The following ARPC2 variants were observed in gnomAD, a reference collection of about 807,000 sequenced individuals.
The protein encoded by ARPC2 is actin-related protein 2/3 complex subunit 2.
A neutral mutation model predicts 38.6 loss-of-function variants in ARPC2; 4 were observed. The observed-to-expected ratio is 0.10, with a 90% CI of 0.05 to 0.24. ARPC2 has a LOEUF of 0.24. Among genes scored for constraint, ARPC2 ranks in the 10% least tolerant of loss-of-function variants. The pLI is 1.00. For missense variants in ARPC2, 229 were observed against 387.3 expected (o/e 0.59, Z 3.43); for synonymous variants, 125 against 140.8 (o/e 0.89, Z 0.79).
At chr2:218,219,079 T>G (rs1335308575) in intron 2 of ARPC2, among the ~76,000 whole-genome samples, 1 of 152,230 alleles carries the variant, frequency 6.6e-6, no homozygotes, top group Non-Finnish European at 1.5e-5. Flanking sequence ...TAATGCATTC[T>G]CAGGTCCAGA....
intron 4 of ARPC2, 67 bp from the exon 5 acceptor site, chr2:218,234,284 TA>T: frequency 7.6e-7 from 1 of 1,318,682 alleles, no homozygotes; most frequent in Non-Finnish European, 1.1e-6. Context: ...TGCAGTACTT[TA>T]AAAATAATGA....
intron 2 of ARPC2, among the ~76,000 whole-genome samples, chr2:218,224,683 C>T (rs1000491197): frequency 4.4e-5 from 3 of 68,922 alleles, no homozygotes; most frequent in Non-Finnish European, 1.1e-4. Flanking sequence ...ACCCAGTGCG[C>T]TTTTCCTAAG....
intron 10 of ARPC2, among the ~76,000 whole-genome samples, chr2:218,250,698 A>G (rs1462607609): frequency 6.6e-6 from 1 of 151,984 alleles, no homozygotes; most frequent in African/African-American, 2.4e-5. Flanking sequence ...AGAGCCCTAA[A>G]TAGGGGTGTG....
chr2:218,250,497 A>G (rs12994147), intron 10 of ARPC2, among the ~76,000 whole-genome samples: 1 of 152,060 alleles, frequency 6.6e-6, no homozygotes, highest in Non-Finnish European at 1.5e-5. Flanking sequence ...CCCCATCTTT[A>G]CTAAAAATAC....
intron 9 of ARPC2, 168 bp from the exon 10 acceptor site, chr2:218,249,653 A>ATG: frequency 1.3e-6 from 1 of 761,642 alleles, no homozygotes; most frequent in East Asian, 2.7e-5. Flanking sequence ...TATAGCAGAG[A>ATG]TGAATATTTG....
rs11379394 is a variant in ARPC2, at chr2:218,240,893, C to CAA, written c.549+1417_549+1418dup. Among the ~76,000 whole-genome samples, 1,450 of 150,288 alleles carry CAA rather than the reference C, an allele frequency of 9.6e-3. 30 individuals carry two copies. The highest frequency in any genetic ancestry group is 0.011 in the Non-Finnish European group (715 of 67,570). ...GGGCAAAAAGAGCGAAACTCCGACT[C>CAA]AAAAAAAAAGAGAGTCCTGAGAGTT... On this transcript the variant is annotated intron_variant, in intron 7 of 10. Coordinates refer to ENST00000315717, the MANE Select transcript of ARPC2 (RefSeq NM_152862.3).
At chr2:218,242,959 A>G (rs1689948613) in intron 7 of ARPC2, among the ~76,000 whole-genome samples, 1 of 152,222 alleles carries the variant, frequency 6.6e-6, no homozygotes, top group South Asian at 2.1e-4. Flanking sequence ...GTTTGTTTTT[A>G]CATAATCAAA....
At chr2:218,218,876 G>T (rs1397370613) in intron 2 of ARPC2, among the ~76,000 whole-genome samples, 1 of 152,210 alleles carries the variant, frequency 6.6e-6, no homozygotes, top group Non-Finnish European at 1.5e-5. Context: ...CCTGCCAGGG[G>T]CTGCAGTTGG....
chr2:218,249,753 AT>A (rs1690137144), intron 9 of ARPC2, 67 bp from the exon 10 acceptor site: 4 of 1,460,828 alleles, frequency 2.7e-6, no homozygotes, highest in Non-Finnish European at 3.8e-6. Flanking sequence ...GACCTCTCTG[AT>A]GAAAGACAGC....
intron 10 of ARPC2, chr2:218,253,176 G>A (rs1179676639): frequency 1.1e-5 from 4 of 355,148 alleles, no homozygotes; most frequent in African/African-American, 2.1e-5. Context: ...ATACATCCAA[G>A]ACAGGGAAAA....
Position 218,245,442 on chromosome 2 carries a change from C to T in ARPC2, c.572C>T (p.Ala191Val). 2 of 1,614,118 alleles carry T rather than the reference C, an allele frequency of 1.2e-6. No individual in the cohort carries two copies. Among genetic ancestry groups the T allele is most frequent in the Non-Finnish European group, 1.7e-6 (2 of 1,180,010 alleles). The change falls in exon 8 of 11, where the codon GCC becomes GTC. Residue 191 changes from alanine to valine, a missense_variant. Physicochemically the swap from Ala to Val is moderately conservative, Grantham distance 64 (BLOSUM62 0). This residue lies in a region of ARPC2 where 92 missense variants were observed against 152.3 expected (regional missense o/e 0.60). Transcript: ENST00000315717. Reference protein sequence around the residue: ...FMQEFKEGRRASHTAPQVLFS... With the variant: ...FMQEFKEGRRVSHTAPQVLFS... Reference sequence around the variant, plus strand: ...CAGGAGTTCAAAGAAGGACGCAGAGCCAGCCACACAGCCCCACAGGTCCTC... The same window carrying T: ...CAGGAGTTCAAAGAAGGACGCAGAGTCAGCCACACAGCCCCACAGGTCCTC...
intron 4 of ARPC2, among the ~76,000 whole-genome samples, chr2:218,232,841 G>A (rs76378126): frequency 6.6e-6 from 1 of 151,924 alleles, no homozygotes; most frequent in African/African-American, 2.4e-5. Flanking sequence ...CTCCCAAAGT[G>A]CTGGGATTAC....
Position 218,247,296 on chromosome 2 carries a change from C to T in ARPC2, c.676+1750C>T, listed in dbSNP as rs369233161. 5.3e-5 allele frequency among the ~76,000 whole-genome samples: 8 copies of T among 152,312 alleles called. No individual in the cohort carries two copies. The South Asian group carries it at 1.7e-3, about 32-fold the overall frequency. On this transcript the variant is annotated intron_variant, in intron 8 of 10. Coordinates refer to ENST00000315717, the MANE Select transcript of ARPC2 (RefSeq NM_152862.3). ...TTCCTTCAGTTGCTCCAGCCTCATG[C>T]ACTGGCTGATTATGATAGCTTACAG...
intron 10 of ARPC2, 55 bp from the exon 11 acceptor site, chr2:218,253,836 G>T (rs960906725): frequency 6.2e-7 from 1 of 1,604,232 alleles, no homozygotes; most frequent in Non-Finnish European, 8.5e-7. Context: ...GGAGTGTGGG[G>T]TGGGAGGAAA....
chr2:218,247,820 G>A (rs1232409371), intron 8 of ARPC2, among the ~76,000 whole-genome samples: 1 of 152,062 alleles, frequency 6.6e-6, no homozygotes, highest in Non-Finnish European at 1.5e-5. Context: ...GTGGGTGCCT[G>A]TAGTCCCAGC....
At chr2:218,238,108 T>C (rs1445117205) in intron 5 of ARPC2, among the ~76,000 whole-genome samples, 1 of 152,176 alleles carries the variant, frequency 6.6e-6, no homozygotes, top group Non-Finnish European at 1.5e-5. Context: ...ATAAAAGCTA[T>C]TGGGGAGGTA....
intron 7 of ARPC2, among the ~76,000 whole-genome samples, chr2:218,240,656 C>G (rs1689890522): frequency 6.6e-6 from 1 of 151,976 alleles, no homozygotes; most frequent in African/African-American, 2.4e-5. Flanking sequence ...CTGTGGGAGG[C>G]CGAGGTGGGC....
intron 7 of ARPC2, 80 bp downstream of exon 7, chr2:218,239,564 A>G: frequency 8.4e-7 from 1 of 1,185,374 alleles, no homozygotes; most frequent in Non-Finnish European, 1.2e-6. Context: ...AGCGTAGGAA[A>G]GAGATCTAGC....
chr2:218,240,620 G>A (rs528593049), intron 7 of ARPC2, among the ~76,000 whole-genome samples: 3 of 152,252 alleles, frequency 2.0e-5, no homozygotes, highest in African/African-American at 7.2e-5. Context: ...GGCCAGGCGC[G>A]GTGGCTGACG....
Sources: allele counts gnomAD v4.1 joint callset (sites outside exome capture counted in the v4.1 genomes callset), GRCh38; gene constraint gnomAD v4.1.1; regional missense constraint gnomAD v4.1.1; transcripts MANE v1.5; gene names NCBI Gene and HGNC (gene_info 2026-07-23, HGNC 2026-07-21).